Variants in MUC4 observed in about 807,000 individuals in gnomAD.
MUC4 encodes mucin-4.
In MUC4, 202 loss-of-function variants were observed where a neutral mutation model predicts 257.9. The ratio of observed to expected loss-of-function variants is 0.78; its 90% CI spans 0.70 to 0.88. The LOEUF (loss-of-function observed/expected upper bound fraction) is 0.88. Ranked by LOEUF, MUC4 falls within the 40% of genes least tolerant of loss-of-function variation. The pLI is 0.00. For missense variants in MUC4, 5,976 were observed against 6,513.7 expected, an observed-to-expected ratio of 0.92 and a Z score of 2.84; for synonymous variants, 2,351 against 2,757.1, an observed-to-expected ratio of 0.85 and a Z score of 4.62.
In MUC4 at chr3:195,783,163, G is replaced by T; in HGVS notation, c.8417C>A (p.Ala2806Asp). The T allele has an allele frequency of 1.4e-6, 2 of 1,436,650 alleles. No individual in the cohort carries two copies. Among genetic ancestry groups the T allele is most frequent in the Non-Finnish European group, 1.9e-6 (2 of 1,053,510 alleles). The allele number at this position is 1,436,650 out of a possible 1,614,324, so 89.0% of individuals were successfully genotyped here. A position where few individuals can be genotyped will look rare whatever the true frequency, so the allele number is the denominator to read the frequency against. Residue 2806 changes from alanine to aspartate, a missense_variant, in exon 2 of 25, where the codon GCT becomes GAT. Physicochemically the swap from Ala to Asp is moderately radical, Grantham distance 126. Coordinates refer to ENST00000463781, the MANE Select transcript of MUC4 (RefSeq NM_018406.7). ...GHTTPLPVTD[A>D]SSVSTGHATS... ...GGCGTGACCTGTGGACACTGACGAAGCGTCGGTGACAGGAAGAGGGGTGGT... is the reference window on the plus strand; with the variant it reads ...GGCGTGACCTGTGGACACTGACGAATCGTCGGTGACAGGAAGAGGGGTGGT...
chr3:195,805,310 G>A lies in MUC4; in HGVS notation c.82+6426C>T, dbSNP rs371503185. Reference sequence around the variant, plus strand: ...GGTGTGGCAGCACCCAGCCACTCTGGTGATCGCCACAGAAGCTCCAGCACC... The same window carrying A: ...GGTGTGGCAGCACCCAGCCACTCTGATGATCGCCACAGAAGCTCCAGCACC... On this transcript the variant is annotated intron_variant, in intron 1 of 24. Transcript: ENST00000463781. 5.3e-5 allele frequency among the ~76,000 whole-genome samples: 8 copies of A among 152,248 alleles called. No individual in the cohort carries two copies. In the East Asian group the frequency reaches 9.7e-4, roughly 18 times the overall value.
intron 3 of MUC4, among the ~76,000 whole-genome samples, chr3:195,777,764 C>G (rs1378179561): frequency 2.1e-4 from 9 of 42,032 alleles, no homozygotes; most frequent in Non-Finnish European, 3.5e-4. Context: ...ACCTTCCACA[C>G]CCATACCTTC....
rs1462194094 is a variant in MUC4, at chr3:195,780,509, T to G, written c.11071A>C (p.Thr3691Pro). 1 of 1,145,538 alleles carries G rather than the reference T, an allele frequency of 8.7e-7. No individual in the cohort carries two copies. Among genetic ancestry groups the G allele is most frequent in the South Asian group, 1.9e-5 (1 of 53,234 alleles). The allele number at this position is 1,145,538 out of a possible 1,614,324, so 71.0% of individuals were successfully genotyped here. Reference protein sequence around the residue: ...LPVTDTSSASTGQATPLPVTI... With the variant: ...LPVTDTSSASPGQATPLPVTI... ...ACAGGAAGAGGGGTGGCCTGACCTG[T>G]GGATGCTGAGGAAGTGTCCGTGACA... Residue 3691 changes from threonine (T) to proline (P), a missense_variant, in exon 2 of 25, where the codon ACA becomes CCA. Transcript: ENST00000463781.
At chr3:195,768,266 G>A (rs547430914) in intron 7 of MUC4, among the ~76,000 whole-genome samples, 1 of 152,166 alleles carries the variant, frequency 6.6e-6, no homozygotes. Context: ...CTCAATGTAA[G>A]AGAAGACATT....
At position 195,788,685 on chromosome 3, in the gene MUC4, G is replaced by C; in HGVS notation, c.2895C>G (p.Thr965=). The C allele has an allele frequency of 6.2e-7, 1 of 1,612,260 alleles. No individual in the cohort carries two copies. Among genetic ancestry groups the C allele is most frequent in the Non-Finnish European group, 8.5e-7 (1 of 1,179,650 alleles). The change falls in exon 2 of 25, where the codon ACC becomes ACG. Residue 965 remains threonine (T), a synonymous_variant. Coordinates refer to ENST00000463781, the MANE Select transcript of MUC4 (RefSeq NM_018406.7). ...CGTTGCTGATGAGGGCCGTGGTGAA[G>C]GTTTTACCAGACCCTGAAGGTGACA... ...HTLSPSGSGK[T]FTTALISNAT...
chr3:195,789,172 G>A lies in MUC4; in HGVS notation c.2408C>T (p.Ala803Val). The A allele has an allele frequency of 6.2e-7, 1 of 1,613,878 alleles. No individual in the cohort carries two copies. The highest frequency in any genetic ancestry group is 8.5e-7 in the Non-Finnish European group (1 of 1,179,874). The change falls in exon 2 of 25, where the codon GCT (alanine) becomes GTT (valine). Residue 803 changes from alanine to valine, a missense_variant. Around this residue, in one of 44 missense-constraint regions of MUC4, gnomAD observed 1,583 missense variants for 1,257.4 expected, o/e 1.26. Transcript: ENST00000463781. Reference protein sequence around the residue: ...SGSRTTSAGTATPSSSGASGT... With the variant: ...SGSRTTSAGTVTPSSSGASGT... ...ACTCGCCCCGGATGAGGAAGGGGTA[G>A]CTGTGCCCGCTGAGGTGGTTCGTGA... is the stretch of plus-strand genomic sequence containing the variant.
rs1476625922 is a variant in MUC4, at chr3:195,789,167, G to A, written c.2413C>T (p.Pro805Ser). 2.5e-6 allele frequency: 4 copies of A among 1,613,720 alleles called. No individual in the cohort carries two copies. Among genetic ancestry groups the A allele is most frequent in the Non-Finnish European group, 3.4e-6 (4 of 1,179,870 alleles). ...GTGCCACTCGCCCCGGATGAGGAAG[G>A]GGTAGCTGTGCCCGCTGAGGTGGTT... ...SRTTSAGTAT[P>S]SSSGASGTTP... Residue 805 changes from proline (P) to serine (S), a missense_variant, in exon 2 of 25, where the codon CCT (proline) becomes TCT (serine). Coordinates refer to ENST00000463781, the MANE Select transcript of MUC4 (RefSeq NM_018406.7).
rs764150501 is a variant in MUC4 at position 195,785,982 on chromosome 3, G to T, written c.5598C>A (p.Ser1866=). 6.6e-7 allele frequency: 1 copy of T among 1,513,046 alleles called. No homozygotes were observed. The highest frequency in any genetic ancestry group is 8.9e-7 in the Non-Finnish European group (1 of 1,125,898). 93.7% of individuals were successfully genotyped at this position (1,513,046 alleles called of 1,614,324 possible). Residue 1866 remains serine, a synonymous_variant, in exon 2 of 25, where the codon TCC becomes TCA. Transcript: ENST00000463781. The part of the protein sequence containing the change: ...SLPVTDASSV[S]TGHATSLLVT... ...CAAGAAGAGAGGTGGCGTGACCTGT[G>T]GACACTGAGGAAGCGTCGGTGACAG...
At chr3:195,763,012 G>C (rs903640287) in intron 12 of MUC4, 67 bp from the exon 13 acceptor site, 1 of 1,316,826 alleles carries the variant, frequency 7.6e-7, no homozygotes, top group Non-Finnish European at 1.1e-6. Context: ...GAAAGCAGCT[G>C]GGAGAGCCCC....
At chr3:195,761,184 T>C (rs1718814344) in intron 15 of MUC4, 67 bp from the exon 16 acceptor site, 3 of 1,441,292 alleles carry the variant, frequency 2.1e-6, no homozygotes, top group Admixed American at 3.4e-5. Context: ...TGTCCACCTC[T>C]ACCCCTCACT....
chr3:195,751,044 C>T lies in MUC4; in HGVS notation c.15716G>A (p.Arg5239His), dbSNP rs755439689. 1.6e-5 allele frequency: 25 copies of T among 1,609,874 alleles called. No homozygotes were observed. Among genetic ancestry groups the T allele is most frequent in the East Asian group, 6.7e-5 (3 of 44,600 alleles). Residue 5239 changes from arginine (R) to histidine (H), a missense_variant, in exon 23 of 25, where the codon CGC becomes CAC. Transcript: ENST00000463781. The part of the protein sequence containing the change: ...HWMVISEFQY[R>H]PRGPVIDFLN... Reference sequence around the variant, plus strand: ...GAAGTCAATGACCGGGCCCCGAGGGCGGTACTGGAACTCCGAGATGACCAT... The same window carrying T: ...GAAGTCAATGACCGGGCCCCGAGGGTGGTACTGGAACTCCGAGATGACCAT...
chr3:195,748,796 G>A (rs1219342810), intron 24 of MUC4, 106 bp downstream of exon 24: 18 of 1,365,996 alleles, frequency 1.3e-5, no homozygotes, highest in Non-Finnish European at 1.6e-5. Context: ...CTCTTCCCTG[G>A]TCTCTGATCT....
rs775072266 is a variant in MUC4, at chr3:195,753,067, A to G, written c.15492T>C (p.Ser5164=). The G allele has an allele frequency of 6.2e-7, 1 of 1,609,066 alleles. No homozygotes were observed. ...TGGCGGTACCTAGGTTGACAGTTGG[A>G]CTGAAGTTGTTCCCAGCCAGGAAGC... is the stretch of plus-strand genomic sequence containing the variant. ...SRCFLAGNNF[S]PTVNLELPLR... is the part of the protein sequence containing the mutation. The change falls in exon 20 of 25, where the codon AGT becomes AGC. Residue 5164 remains serine, a synonymous_variant. Transcript: ENST00000463781.
intron 7 of MUC4, among the ~76,000 whole-genome samples, chr3:195,767,933 G>GCCACTA (rs1408210078): frequency 3.2e-5 from 2 of 62,656 alleles, no homozygotes; most frequent in East Asian, 7.1e-4. Flanking sequence ...CACCTCCACC[G>GCCACTA]CCACTACCAC....
At position 195,764,003 on chromosome 3, in the gene MUC4, C is replaced by G. The variant is rs957860721; in HGVS notation, c.14044+42G>C. On this transcript the variant is annotated intron_variant, in intron 11 of 24. Coordinates refer to ENST00000463781, the MANE Select transcript of MUC4 (RefSeq NM_018406.7). Reference sequence around the variant, plus strand: ...ACCTCCCGGAAGCCCAGAAGCTCCCCCTCCCCAGAGGCTCTTCCTGGGCCT... The same window carrying G: ...ACCTCCCGGAAGCCCAGAAGCTCCCGCTCCCCAGAGGCTCTTCCTGGGCCT... 3 of 1,583,504 alleles carry G rather than the reference C, an allele frequency of 1.9e-6. No homozygotes were observed. In the East Asian group the frequency reaches 6.8e-5, roughly 36 times the overall value.
At chr3:195,767,600 T>TCAC (rs1560262291) in intron 7 of MUC4, among the ~76,000 whole-genome samples, 50 of 45,374 alleles carry the variant, frequency 1.1e-3, no homozygotes, top group Admixed American at 1.4e-3. Flanking sequence ...ACCACCACCA[T>TCAC]CATCACCATT....
chr3:195,788,912 T>C lies in MUC4; in HGVS notation c.2668A>G (p.Ser890Gly). The C allele has an allele frequency of 1.2e-6, 2 of 1,613,650 alleles. No homozygotes were observed. Among genetic ancestry groups the C allele is most frequent in the Non-Finnish European group, 1.7e-6 (2 of 1,179,772 alleles). The change falls in exon 2 of 25, where the codon AGC becomes GGC. Residue 890 changes from serine to glycine, a missense_variant. This residue lies in a region of MUC4 where 1,583 missense variants were observed against 1,257.4 expected (regional missense o/e 1.26). Transcript: ENST00000463781. ...GGAGAGGCACTGGGAGAAGTTGGGC[T>C]TGACTGTCCTGTCGGTCTCCCTGCA... The part of the protein sequence containing the change: ...STAGRPTGQS[S>G]PTSPSASPQE...
In MUC4 at chr3:195,789,075, G is replaced by A. The variant is rs752724482; in HGVS notation, c.2505C>T (p.Ser835=). ...GETTRFSSNP[S]RDSHTTQSTT... ...TTGACTGGGTTGTGTGACTGTCCCT[G>A]GAGGGGTTTGATGAAAACCTTGTCG... The change falls in exon 2 of 25, where the codon TCC becomes TCT. Residue 835 remains serine, a synonymous_variant. Coordinates refer to ENST00000463781, the MANE Select transcript of MUC4 (RefSeq NM_018406.7). The A allele has an allele frequency of 2.5e-6, 4 of 1,613,514 alleles. No individual in the cohort carries two copies. The highest frequency in any genetic ancestry group is 2.2e-5 in the South Asian group (2 of 91,052).
chr3:195,763,835 T>A (rs1226023781), intron 11 of MUC4, among the ~76,000 whole-genome samples, 194 bp from the exon 12 acceptor site: 1 of 152,090 alleles, frequency 6.6e-6, no homozygotes, highest in Non-Finnish European at 1.5e-5. Flanking sequence ...CCCTCAAGCC[T>A]CCTTGCATTT....
Sources: gnomAD v4.1 joint callset for allele counts (sites outside exome capture counted in the v4.1 genomes callset) on GRCh38, gnomAD v4.1.1 for gene constraint, gnomAD v4.1.1 regional missense constraint, MANE v1.5 for transcripts, NCBI Gene and HGNC (gene_info 2026-07-23, HGNC 2026-07-21) for gene names.